Variants in PRKCE observed in about 807,000 individuals in gnomAD.
PRKCE encodes the protein protein kinase C epsilon, also known as protein kinase C epsilon type.
In PRKCE, 16 loss-of-function variants were observed where a neutral mutation model predicts 85.4. The observed-to-expected ratio is 0.19, with a 90% CI of 0.13 to 0.28. The LOEUF (loss-of-function observed/expected upper bound fraction) is 0.28. Among genes scored for constraint, PRKCE ranks in the 10% least tolerant of loss-of-function variants. The probability of loss-of-function intolerance (pLI) is 1.00; values close to 1 mark genes in which losing one functional copy is unlikely to be tolerated. For synonymous variants in PRKCE, 388 were observed against 371.5 expected, an observed-to-expected ratio of 1.04 and a Z score of -0.51; for missense variants, 573 against 975.2, an observed-to-expected ratio of 0.59 and a Z score of 5.49.
intron 2 of PRKCE, among the ~76,000 whole-genome samples, chr2:45,947,280 A>C (rs1388915611): frequency 6.6e-6 from 1 of 152,176 alleles, no homozygotes; most frequent in African/African-American, 2.4e-5. Flanking sequence ...CCATAGAGAT[A>C]AAGTAAATTA....
Position 45,905,995 on chromosome 2 carries a change from C to G in PRKCE, c.412+62932C>G, listed in dbSNP as rs983418013. Among the ~76,000 whole-genome samples the G allele has an allele frequency of 6.6e-6, 1 of 152,200 alleles. No homozygotes were observed. The highest frequency in any genetic ancestry group is 1.5e-5 in the Non-Finnish European group (1 of 68,034). The stretch of plus-strand genomic sequence containing the variant: ...CGGTGATGCGCTTTCAACCCTCCTC[C>G]CCTACCCACATGACCCGGGTATGGA... On this transcript the variant is annotated intron_variant, in intron 2 of 14. Transcript: ENST00000306156. The surrounding 1 kb of genome is among the most constrained non-coding windows in gnomAD (Gnocchi z 4.4).
intron 2 of PRKCE, among the ~76,000 whole-genome samples, chr2:45,962,509 T>C (rs1701450020): frequency 2.0e-5 from 3 of 152,218 alleles, no homozygotes; most frequent in Admixed American, 6.5e-5. Context: ...GTTCCCCTCT[T>C]GGCAGTTTTC....
chr2:46,178,827 G>A (rs1679689686), intron 14 of PRKCE, among the ~76,000 whole-genome samples: 1 of 152,172 alleles, frequency 6.6e-6, no homozygotes, highest in Admixed American at 6.5e-5. Context: ...TGAGGGGTAT[G>A]ATGGGGAATA....
At chr2:45,703,029 C>A (rs112548919) in intron 1 of PRKCE, among the ~76,000 whole-genome samples, 2 of 151,892 alleles carry the variant, frequency 1.3e-5, no homozygotes, top group African/African-American at 4.8e-5. Flanking sequence ...TTTCCCCCCC[C>A]GTCAGGAAGT....
In PRKCE at chr2:45,868,717, G is replaced by A. The variant is rs1160905202; in HGVS notation, c.412+25654G>A. Reference sequence around the variant, plus strand: ...GGAGGCAGGCCGAGGTGGGCGGATCGTCTGAGGTCAGGAGTTCAAGACCAG... The same window carrying A: ...GGAGGCAGGCCGAGGTGGGCGGATCATCTGAGGTCAGGAGTTCAAGACCAG... On this transcript the variant is annotated intron_variant, in intron 2 of 14. Transcript: ENST00000306156. Among the ~76,000 whole-genome samples, 11 of 145,808 alleles carry A rather than the reference G, an allele frequency of 7.5e-5. 1 individual carries two copies. The East Asian group carries it at 1.1e-3, about 14-fold the overall frequency.
intron 1 of PRKCE, among the ~76,000 whole-genome samples, chr2:45,678,075 A>G (rs1676616084): frequency 6.6e-6 from 1 of 152,194 alleles, no homozygotes. Context: ...TCACATGGGA[A>G]TTTATACTTA....
chr2:45,738,028 G>A (rs1682232796), intron 1 of PRKCE, among the ~76,000 whole-genome samples: 1 of 151,936 alleles, frequency 6.6e-6, no homozygotes, highest in East Asian at 1.9e-4. Context: ...AGCCTCCTAT[G>A]CCAGCGTCCT....
At chr2:45,916,370 G>A (rs1435134612) in intron 2 of PRKCE, among the ~76,000 whole-genome samples, 1 of 151,438 alleles carries the variant, frequency 6.6e-6, no homozygotes, top group Non-Finnish European at 1.5e-5. Flanking sequence ...TTCTCAAGTA[G>A]CTGGGACTAG....
intron 2 of PRKCE, among the ~76,000 whole-genome samples, chr2:45,862,418 C>T (rs549928360): frequency 3.3e-5 from 5 of 152,230 alleles, no homozygotes; most frequent in African/African-American, 4.8e-5. Context: ...CCTGGTCATA[C>T]CACCTAGTGG....
rs1248890559 is a variant in PRKCE, at chr2:46,159,879, G to C, written c.2067+127G>C. 11 of 1,252,508 alleles carry C rather than the reference G, an allele frequency of 8.8e-6. No homozygotes were observed. The highest frequency in any genetic ancestry group is 1.2e-5 in the Non-Finnish European group (11 of 909,414). 77.6% of individuals were successfully genotyped at this position (1,252,508 alleles called of 1,614,324 possible). A position where few individuals can be genotyped will look rare whatever the true frequency, so the allele number is the denominator to read the frequency against. ...ACAGTAAAAATGACAAAGACCAGAG[G>C]TGGCTGAGGCTCTCCCTAAGACAAT... On this transcript the variant is annotated intron_variant, in intron 14 of 14. Transcript: ENST00000306156. The surrounding 1 kb of genome is among the most constrained non-coding windows in gnomAD (Gnocchi z 4.1).
At chr2:45,837,745 A>G (rs55717219) in intron 1 of PRKCE, among the ~76,000 whole-genome samples, 3,774 of 152,084 alleles carry the variant, frequency 0.025, 52 homozygotes, top group African/African-American at 0.045. Flanking sequence ...TACTGTTACC[A>G]CGCCTGTAAT....
intron 11 of PRKCE, among the ~76,000 whole-genome samples, chr2:46,112,849 T>C (rs987563828): frequency 6.6e-6 from 1 of 152,184 alleles, no homozygotes; most frequent in Admixed American, 6.5e-5. Context: ...TTTGTTATAT[T>C]CATTTTTTGT....
intron 1 of PRKCE, among the ~76,000 whole-genome samples, chr2:45,806,135 A>C (rs911803415): frequency 6.6e-6 from 1 of 152,140 alleles, no homozygotes; most frequent in African/African-American, 2.4e-5. Context: ...GCTCATCCCA[A>C]CCTTCAAGGG....
intron 2 of PRKCE, among the ~76,000 whole-genome samples, chr2:45,897,339 C>A (rs1215323938): frequency 6.6e-6 from 1 of 152,214 alleles, no homozygotes; most frequent in African/African-American, 2.4e-5. Context: ...TGATCTTCCT[C>A]AGGACACAGC....
chr2:45,942,221 G>C (rs1699935049), intron 2 of PRKCE, among the ~76,000 whole-genome samples: 1 of 152,166 alleles, frequency 6.6e-6, no homozygotes, highest in African/African-American at 2.4e-5. Context: ...TTGACAGGCT[G>C]AATCGTTGTG....
At chr2:46,046,170 G>A (rs1205260912) in intron 10 of PRKCE, among the ~76,000 whole-genome samples, 1 of 152,208 alleles carries the variant, frequency 6.6e-6, no homozygotes, top group East Asian at 1.9e-4. Flanking sequence ...GGCAGTACTG[G>A]ATGAGAACCA....
intron 1 of PRKCE, among the ~76,000 whole-genome samples, chr2:45,769,336 C>T (rs1202823388): frequency 2.0e-5 from 3 of 152,128 alleles, no homozygotes; most frequent in Non-Finnish European, 4.4e-5. Context: ...TTCTTACACC[C>T]CTTTTGTTAG....
At chr2:45,717,035 G>A (rs567018400) in intron 1 of PRKCE, among the ~76,000 whole-genome samples, 2 of 59,594 alleles carry the variant, frequency 3.4e-5, no homozygotes, top group African/African-American at 1.9e-4. Flanking sequence ...GGGATTATGG[G>A]TACTACAAGA....
intron 1 of PRKCE, among the ~76,000 whole-genome samples, chr2:45,743,845 C>T (rs565824969): frequency 6.6e-5 from 10 of 152,228 alleles, no homozygotes; most frequent in Non-Finnish European, 1.3e-4. Context: ...GCTCTTGGGC[C>T]CTAGAAATAG....
Sources: gnomAD v4.1 joint callset for allele counts (sites outside exome capture counted in the v4.1 genomes callset) on GRCh38, gnomAD v4.1.1 for gene constraint, Gnocchi (gnomAD v3.1) non-coding constraint, MANE v1.5 for transcripts, NCBI Gene and HGNC (gene_info 2026-07-23, HGNC 2026-07-21) for gene names.